Variants in SEMA3A observed in about 807,000 individuals in gnomAD.
The protein encoded by SEMA3A is semaphorin 3A.
SEMA3A carries 29 observed loss-of-function variants against 97.9 expected under a neutral mutation model. The ratio of observed to expected loss-of-function variants is 0.30; its 90% confidence interval spans 0.22 to 0.40. SEMA3A has a LOEUF of 0.40. Among genes scored for constraint, SEMA3A ranks in the 10% least tolerant of loss-of-function variants. SEMA3A has a pLI of 1.00. For synonymous variants in SEMA3A, 321 were observed against 323.7 expected (o/e 0.99, Z 0.09); for missense variants, 763 against 951.3 (o/e 0.80, Z 2.60).
chr7:84,436,117 T>G (rs990216260), intron 1 of SEMA3A, among the ~76,000 whole-genome samples: 4 of 152,182 alleles, frequency 2.6e-5, no homozygotes, highest in South Asian at 2.1e-4. Flanking sequence ...TTGGGATAAC[T>G]GGCTAGCTAT....
At chr7:84,110,655 C>T (rs1795252581) in intron 3 of SEMA3A, 66 bp from the exon 4 acceptor site, 2 of 1,519,854 alleles carry the variant, frequency 1.3e-6, no homozygotes, top group Non-Finnish European at 8.9e-7. Context: ...CTCTAGGGTG[C>T]TAGGCATGCT....
rs2116247270 is a variant in SEMA3A, at chr7:83,961,553, G to C, written c.2134C>G (p.His712Asp). The C allele has an allele frequency of 6.2e-7, 1 of 1,614,120 alleles. No individual in the cohort carries two copies. The highest frequency in any genetic ancestry group is 1.3e-5 in the African/African-American group (1 of 75,032). The change falls in exon 17 of 17, where the codon CAC (histidine) becomes GAC (aspartate). Residue 712 changes from histidine (H) to aspartate (D), a missense_variant. By Grantham distance (81) the His-to-Asp change is moderately conservative (BLOSUM62 -1). Coordinates refer to ENST00000265362, the MANE Select transcript of SEMA3A (RefSeq NM_006080.3). Reference protein sequence around the residue: ...WYRDFMQLINHPNLNTMDEFC... With the variant: ...WYRDFMQLINDPNLNTMDEFC... ...TCATCCATTGTGTTGAGATTGGGGTGGTTGATGAGCTGCATGAAGTCTCTG... is the reference window on the plus strand; with the variant it reads ...TCATCCATTGTGTTGAGATTGGGGTCGTTGATGAGCTGCATGAAGTCTCTG...
At chr7:84,074,954 C>A (rs1020568385) in intron 4 of SEMA3A, among the ~76,000 whole-genome samples, 1 of 151,860 alleles carries the variant, frequency 6.6e-6, no homozygotes, top group African/African-American at 2.4e-5. Flanking sequence ...TAAATATAAT[C>A]CAGTTTAATA....
intron 1 of SEMA3A, among the ~76,000 whole-genome samples, chr7:84,464,535 T>G (rs1226016125): frequency 1.3e-5 from 2 of 152,146 alleles, no homozygotes; most frequent in African/African-American, 4.8e-5. Context: ...ACGAAAGAAC[T>G]CCTTGAGTGA....
intron 3 of SEMA3A, among the ~76,000 whole-genome samples, chr7:84,233,846 T>C (rs927791170): frequency 2.0e-5 from 3 of 151,984 alleles, no homozygotes; most frequent in African/African-American, 7.2e-5. Context: ...GTAGCAGTGC[T>C]TTTGGTGAAG....
chr7:84,417,816 A>C (rs908491054), intron 1 of SEMA3A, among the ~76,000 whole-genome samples: 1 of 152,076 alleles, frequency 6.6e-6, no homozygotes, highest in Admixed American at 6.6e-5. Flanking sequence ...GACTCTTCAT[A>C]AATTTAAATT....
At chr7:83,976,714 G>A (rs1347866234) in intron 15 of SEMA3A, among the ~76,000 whole-genome samples, 8 of 151,686 alleles carry the variant, frequency 5.3e-5, no homozygotes, top group African/African-American at 1.9e-4. Context: ...GATATATTAG[G>A]TTTATATCAT....
chr7:84,409,331 T>C (rs1049400267), intron 1 of SEMA3A, among the ~76,000 whole-genome samples: 1 of 151,698 alleles, frequency 6.6e-6, no homozygotes, highest in African/African-American at 2.4e-5. Flanking sequence ...TATGAATCAA[T>C]TTTTTAAAAT....
intron 4 of SEMA3A, among the ~76,000 whole-genome samples, chr7:84,091,068 C>A (rs1431659367): frequency 1.8e-4 from 25 of 138,910 alleles, no homozygotes; most frequent in African/African-American, 6.5e-4. Flanking sequence ...GAGTGAGACT[C>A]CAACTCAAAA....
chr7:83,966,648 A>T (rs1788703524), intron 15 of SEMA3A, among the ~76,000 whole-genome samples: 1 of 152,124 alleles, frequency 6.6e-6, no homozygotes. Context: ...TTGGTTTAAG[A>T]TTCTCCTATT....
chr7:84,393,220 G>A (rs1293269287), intron 1 of SEMA3A, among the ~76,000 whole-genome samples: 1 of 152,116 alleles, frequency 6.6e-6, no homozygotes, highest in Non-Finnish European at 1.5e-5. Flanking sequence ...GTGGATTTGT[G>A]TATATGGTGT....
chr7:84,161,300 G>T (rs6975522), intron 1 of SEMA3A, among the ~76,000 whole-genome samples: 1 of 151,644 alleles, frequency 6.6e-6, no homozygotes, highest in Non-Finnish European at 1.5e-5. Flanking sequence ...GGAGGTGGAG[G>T]TTGCAGTTAG....
At chr7:84,103,578 T>C (rs1043251245) in intron 4 of SEMA3A, among the ~76,000 whole-genome samples, 4 of 152,110 alleles carry the variant, frequency 2.6e-5, no homozygotes, top group Non-Finnish European at 4.4e-5. Flanking sequence ...GGTATTCTGA[T>C]TTCAGGAAAT....
chr7:84,126,440 A>G (rs1346348226), intron 3 of SEMA3A, among the ~76,000 whole-genome samples: 7 of 152,106 alleles, frequency 4.6e-5, no homozygotes. Flanking sequence ...TTCTGACCTC[A>G]AGTGATCCAT....
intron 5 of SEMA3A, 73 bp from the exon 6 acceptor site, chr7:84,046,516 A>C: frequency 1.3e-6 from 2 of 1,548,608 alleles, no homozygotes; most frequent in Non-Finnish European, 8.9e-7. Flanking sequence ...CAAAACAAAC[A>C]AAATGCAAGT....
intron 6 of SEMA3A, among the ~76,000 whole-genome samples, chr7:84,032,169 C>T (rs781093457): frequency 2.0e-5 from 3 of 152,116 alleles, no homozygotes; most frequent in Non-Finnish European, 4.4e-5. Context: ...GGCAGTGCGG[C>T]TTGTCCTCCG....
chr7:84,259,663 C>T (rs1799799369), intron 3 of SEMA3A, among the ~76,000 whole-genome samples: 1 of 151,734 alleles, frequency 6.6e-6, no homozygotes, highest in Non-Finnish European at 1.5e-5. Context: ...GGAATCTTCC[C>T]TTGCTAAGAT....
intron 2 of SEMA3A, among the ~76,000 whole-genome samples, chr7:84,371,171 G>GT (rs1439439719): frequency 6.6e-6 from 1 of 151,538 alleles, no homozygotes; most frequent in African/African-American, 2.4e-5. Flanking sequence ...GATTTACATT[G>GT]TTTTTTTATT....
chr7:84,381,246 T>C (rs989556186), intron 1 of SEMA3A, among the ~76,000 whole-genome samples: 1 of 152,146 alleles, frequency 6.6e-6, no homozygotes, highest in Non-Finnish European at 1.5e-5. Flanking sequence ...GGGAGAAAAA[T>C]AAAGACCTTG....
Sources: gnomAD v4.1 joint callset for allele counts (sites outside exome capture counted in the v4.1 genomes callset) on GRCh38, gnomAD v4.1.1 for gene constraint, MANE v1.5 for transcripts, NCBI Gene and HGNC (gene_info 2026-07-23, HGNC 2026-07-21) for gene names.